The following FAM171A1 variants were observed in gnomAD, a reference collection of about 807,000 sequenced individuals.
FAM171A1 encodes family with sequence similarity 171 member A1, also known as protein FAM171A1.
A neutral mutation model predicts 74.9 loss-of-function variants in FAM171A1; 23 were observed. The ratio of observed to expected loss-of-function variants is 0.31; its 90% CI spans 0.22 to 0.44. FAM171A1 has a LOEUF of 0.44. Ranked by LOEUF, FAM171A1 falls within the 20% of genes least tolerant of loss-of-function variation. The pLI, the probability that FAM171A1 is intolerant of heterozygous loss-of-function variation, is 1.00. For synonymous variants in FAM171A1, 527 were observed against 505.7 expected, an observed-to-expected ratio of 1.04 and a Z score of -0.57; for missense variants, 1,162 against 1,159.2, an observed-to-expected ratio of 1.00 and a Z score of -0.03.
In FAM171A1 at chr10:15,312,364, C is replaced by T. The variant is rs544450170; in HGVS notation, c.98-28259G>A. On this transcript the variant is annotated intron_variant, in intron 1 of 7. Transcript: ENST00000378116. Reference sequence around the variant, plus strand: ...GCTGAACTCCAAAAGGAGTCTGCTGCTATGGTGGGGAGCTTTCGAATATTT... The same window carrying T: ...GCTGAACTCCAAAAGGAGTCTGCTGTTATGGTGGGGAGCTTTCGAATATTT... 4.1e-4 allele frequency among the ~76,000 whole-genome samples: 63 copies of T among 152,336 alleles called. 1 individual carries two copies. The highest frequency in any genetic ancestry group is 1.5e-3 in the African/African-American group (63 of 41,570).
chr10:15,229,314 G>C (rs111974938), intron 5 of FAM171A1, among the ~76,000 whole-genome samples: 3,909 of 152,176 alleles, frequency 0.026, 67 homozygotes, highest in Admixed American at 0.032. Flanking sequence ...TCATGGCTCT[G>C]GATGAATAAT....
intron 5 of FAM171A1, among the ~76,000 whole-genome samples, chr10:15,233,552 G>GTC (rs1191599507): frequency 6.6e-6 from 1 of 151,432 alleles, no homozygotes; most frequent in African/African-American, 2.4e-5. Context: ...GTGTGTGTGT[G>GTC]TGTGCATGTG....
intron 5 of FAM171A1, among the ~76,000 whole-genome samples, chr10:15,230,464 G>A (rs45557231): frequency 1.3e-5 from 2 of 152,182 alleles, no homozygotes; most frequent in Non-Finnish European, 2.9e-5. Flanking sequence ...TTCAGGACTG[G>A]TTTAAACAAG....
rs1833907222 is a variant in FAM171A1, at chr10:15,212,805, C to T, written c.*110G>A. 2 of 1,381,472 alleles carry T rather than the reference C, an allele frequency of 1.4e-6. No individual in the cohort carries two copies. The highest frequency in any genetic ancestry group is 1.4e-5 in the African/African-American group (1 of 69,240). 85.6% of individuals were successfully genotyped at this position (1,381,472 alleles called of 1,614,324 possible). ...CAGGAATGCAGTAAACGTCCACGTC[C>T]GTCCCACGGCTGGGCTGCCGTTCCG... On this transcript the variant is annotated 3_prime_UTR_variant, in exon 8 of 8. Coordinates refer to ENST00000378116, the MANE Select transcript of FAM171A1 (RefSeq NM_001010924.2).
intron 5 of FAM171A1, among the ~76,000 whole-genome samples, chr10:15,230,406 A>T (rs1003022164): frequency 7.9e-5 from 12 of 152,222 alleles, no homozygotes; most frequent in Non-Finnish European, 2.9e-5. Context: ...CTGAAGAGCA[A>T]AAGTTATGTG....
chr10:15,305,220 T>C (rs971639356), intron 1 of FAM171A1, among the ~76,000 whole-genome samples: 10 of 152,230 alleles, frequency 6.6e-5, no homozygotes, highest in Non-Finnish European at 1.5e-4. Context: ...AGGAAGATCT[T>C]TGTAACAGTT....
intron 1 of FAM171A1, among the ~76,000 whole-genome samples, chr10:15,303,846 A>C (rs1354705692): frequency 6.6e-6 from 1 of 152,198 alleles, no homozygotes; most frequent in Non-Finnish European, 1.5e-5. Flanking sequence ...CCATCAGTTA[A>C]AGGAGTTAGG....
At position 15,213,505 on chromosome 10, in the gene FAM171A1, C is replaced by T; in HGVS notation, c.2083G>A (p.Glu695Lys). Residue 695 changes from glutamate (E) to lysine (K), a missense_variant, in exon 8 of 8, where the codon GAG (glutamate) becomes AAG (lysine). Glu to Lys is a moderately conservative substitution (Grantham distance 56). Transcript: ENST00000378116. This position sits in a 1 kb window ranked among gnomAD's most constrained non-coding sequence, Gnocchi z 6.8. Reference sequence around the variant, plus strand: ...GGAAGCGGCTTCCCACCCCCAAGCTCCATCAGGGCCTTTTCAGTCAGGAGC... The same window carrying T: ...GGAAGCGGCTTCCCACCCCCAAGCTTCATCAGGGCCTTTTCAGTCAGGAGC... The part of the protein sequence containing the change: ...VQLLTEKALM[E>K]LGGGKPLPHP... 1 of 1,614,154 alleles carries T rather than the reference C, an allele frequency of 6.2e-7. No individual in the cohort carries two copies. Among genetic ancestry groups the T allele is most frequent in the Admixed American group, 1.7e-5 (1 of 60,020 alleles).
intron 2 of FAM171A1, among the ~76,000 whole-genome samples, chr10:15,277,832 C>A (rs1834913735): frequency 6.6e-6 from 1 of 152,138 alleles, no homozygotes; most frequent in South Asian, 2.1e-4. Flanking sequence ...TCTTGGCTCA[C>A]TCCAGCCTCT....
intron 1 of FAM171A1, among the ~76,000 whole-genome samples, chr10:15,304,084 G>A (rs1564270914): frequency 6.6e-6 from 1 of 152,160 alleles, no homozygotes; most frequent in Non-Finnish European, 1.5e-5. Context: ...AGTGTCAGAA[G>A]CTTCCTCCCC....
At chr10:15,246,187 T>G (rs893178063) in intron 5 of FAM171A1, among the ~76,000 whole-genome samples, 1 of 151,942 alleles carries the variant, frequency 6.6e-6, no homozygotes, top group Non-Finnish European at 1.5e-5. Context: ...ACACACACCA[T>G]CAATGAAGTG....
intron 1 of FAM171A1, among the ~76,000 whole-genome samples, chr10:15,313,484 C>A (rs1345858082): frequency 1.3e-5 from 2 of 152,146 alleles, no homozygotes; most frequent in Non-Finnish European, 2.9e-5. Context: ...AAAGAACCAG[C>A]CTAGAAAGAA....
chr10:15,218,965 G>A (rs991294371), intron 6 of FAM171A1, among the ~76,000 whole-genome samples: 10 of 152,056 alleles, frequency 6.6e-5, no homozygotes, highest in African/African-American at 2.2e-4. Context: ...GCTACGTCTG[G>A]CAGTTCCTTC....
At chr10:15,330,696 AT>A (rs1236437125) in intron 1 of FAM171A1, among the ~76,000 whole-genome samples, 1 of 128,156 alleles carries the variant, frequency 7.8e-6, no homozygotes, top group African/African-American at 2.9e-5. Flanking sequence ...TCTGAAGCAT[AT>A]TTTTTTCTTC....
intron 1 of FAM171A1, among the ~76,000 whole-genome samples, chr10:15,304,427 C>T (rs997927161): frequency 2.6e-5 from 4 of 152,142 alleles, no homozygotes; most frequent in African/African-American, 7.2e-5. Flanking sequence ...ATATTCCAGG[C>T]CACCCTTCCC....
chr10:15,239,226 C>A (rs1834332975), intron 5 of FAM171A1, among the ~76,000 whole-genome samples: 1 of 152,214 alleles, frequency 6.6e-6, no homozygotes, highest in Non-Finnish European at 1.5e-5. Flanking sequence ...CTTTGACAGA[C>A]ATGGGAAGGA....
chr10:15,305,701 G>C (rs1251103609), intron 1 of FAM171A1, among the ~76,000 whole-genome samples: 1 of 131,582 alleles, frequency 7.6e-6, no homozygotes, highest in Non-Finnish European at 1.6e-5. Flanking sequence ...TCAGAAGAGT[G>C]AATGAAAAAT....
At chr10:15,312,407 T>C (rs1835370276) in intron 1 of FAM171A1, among the ~76,000 whole-genome samples, 1 of 152,066 alleles carries the variant, frequency 6.6e-6, no homozygotes, top group African/African-American at 2.4e-5. Flanking sequence ...CTCTGAACCC[T>C]TTAAAGATAA....
chr10:15,228,931 G>T (rs1834145802), intron 5 of FAM171A1, among the ~76,000 whole-genome samples: 1 of 152,166 alleles, frequency 6.6e-6, no homozygotes, highest in Admixed American at 6.5e-5. Context: ...ACACTAAATG[G>T]CCTCGTCATT....
Sources: allele counts gnomAD v4.1 joint callset (sites outside exome capture counted in the v4.1 genomes callset), GRCh38; gene constraint gnomAD v4.1.1; non-coding constraint Gnocchi (gnomAD v3.1); transcripts MANE v1.5; gene names NCBI Gene and HGNC (gene_info 2026-07-23, HGNC 2026-07-21).